SORBS2: variants seen among roughly 807,000 people sequenced by gnomAD.
SORBS2 encodes sorbin and SH3 domain-containing protein 2.
SORBS2 carries 46 observed loss-of-function variants against 97.7 expected under a neutral mutation model. The observed-to-expected ratio is 0.47, with a 90% CI of 0.37 to 0.60. The LOEUF is 0.60. SORBS2 is among the 20% of genes least tolerant of loss of function. The pLI is 0.00. For missense variants in SORBS2, 1,316 were observed against 1,282.3 expected, an observed-to-expected ratio of 1.03 and a Z score of -0.40; for synonymous variants, 476 against 473.4, an observed-to-expected ratio of 1.01 and a Z score of -0.07.
At chr4:185,726,038 A>G (rs929812950) in intron 2 of SORBS2, among the ~76,000 whole-genome samples, 1 of 152,030 alleles carries the variant, frequency 6.6e-6, no homozygotes, top group East Asian at 1.9e-4. Context: ...AGATGCCTAC[A>G]TTGTGTCAGA....
At chr4:185,804,480 C>T (rs537008765) in intron 1 of SORBS2, among the ~76,000 whole-genome samples, 5 of 152,282 alleles carry the variant, frequency 3.3e-5, no homozygotes, top group East Asian at 3.9e-4. Context: ...GTGGTATCGG[C>T]GCATCTAAGA....
At chr4:185,633,975 T>C (rs1321143246) in intron 4 of SORBS2, among the ~76,000 whole-genome samples, 1 of 152,208 alleles carries the variant, frequency 6.6e-6, no homozygotes, top group African/African-American at 2.4e-5. Context: ...TCTGCAGATA[T>C]TAAGGTAACA....
At chr4:185,670,188 C>T (rs908202582) in intron 4 of SORBS2, among the ~76,000 whole-genome samples, 4 of 151,952 alleles carry the variant, frequency 2.6e-5, no homozygotes, top group Admixed American at 2.0e-4. Context: ...CACTGCACTC[C>T]AGCCTGGGTG....
At chr4:185,637,199 G>C (rs1035021542) in intron 4 of SORBS2, among the ~76,000 whole-genome samples, 1 of 152,234 alleles carries the variant, frequency 6.6e-6, no homozygotes, top group Admixed American at 6.5e-5. Context: ...GGGATTATAA[G>C]ACTGTATTTT....
chr4:185,854,017 AT>A (rs2099219374), intron 1 of SORBS2, among the ~76,000 whole-genome samples: 1 of 152,238 alleles, frequency 6.6e-6, no homozygotes, highest in Non-Finnish European at 1.5e-5. Context: ...TGAATCATCC[AT>A]TACAGTCTTC....
chr4:185,847,845 G>T (rs1198349353), intron 1 of SORBS2, among the ~76,000 whole-genome samples: 4 of 152,176 alleles, frequency 2.6e-5, no homozygotes, highest in African/African-American at 7.2e-5. Context: ...CAAGGATTGA[G>T]ATTTTTCTGC....
intron 1 of SORBS2, among the ~76,000 whole-genome samples, chr4:185,853,882 T>C (rs185424653): frequency 1.3e-5 from 2 of 152,320 alleles, no homozygotes; most frequent in Non-Finnish European, 1.5e-5. Context: ...TCTGGGACTT[T>C]TGGTAAAGCT....
intron 4 of SORBS2, chr4:185,675,344 C>G (rs546967417): frequency 6.6e-6 from 1 of 152,596 alleles, no homozygotes; most frequent in South Asian, 2.1e-4. Flanking sequence ...TGGCACGGGC[C>G]TGTCTGTACA....
chr4:185,640,327 A>G (rs2097106038), intron 4 of SORBS2, among the ~76,000 whole-genome samples: 1 of 152,230 alleles, frequency 6.6e-6, no homozygotes, highest in South Asian at 2.1e-4. Context: ...TGAACACAGT[A>G]AAGAAGTCAC....
At chr4:185,660,900 T>C (rs2097506396), upstream of SORBS2, among the ~76,000 whole-genome samples, 1 of 152,234 alleles carries the variant, frequency 6.6e-6, no homozygotes, top group East Asian at 1.9e-4. Flanking sequence ...TGGAAACTTG[T>C]ACAGCCTGAA....
At chr4:185,705,177 C>T (rs907176175) in intron 2 of SORBS2, among the ~76,000 whole-genome samples, 5 of 152,222 alleles carry the variant, frequency 3.3e-5, no homozygotes, top group Admixed American at 6.5e-5. Context: ...CAGGACTACC[C>T]AGAAGTTGGT....
chr4:185,811,257 CT>C (rs1428069068), intron 1 of SORBS2, among the ~76,000 whole-genome samples: 8 of 152,174 alleles, frequency 5.3e-5, no homozygotes, highest in Admixed American at 1.3e-4. Flanking sequence ...ATTTACGAGG[CT>C]TAAAAAGAAA....
At chr4:185,834,487 T>A (rs756185308) in intron 1 of SORBS2, among the ~76,000 whole-genome samples, 8 of 152,126 alleles carry the variant, frequency 5.3e-5, no homozygotes, top group Non-Finnish European at 5.9e-5. Context: ...TCTTGAAAAG[T>A]TTACATTCAT....
chr4:185,717,881 A>G (rs2098479075), intron 2 of SORBS2, among the ~76,000 whole-genome samples: 1 of 152,230 alleles, frequency 6.6e-6, no homozygotes, highest in Non-Finnish European at 1.5e-5. Context: ...CTTGGTTTCT[A>G]CAACTATAAA....
chr4:185,662,790 A>C (rs1344508121), intron 4 of SORBS2, among the ~76,000 whole-genome samples: 1 of 152,238 alleles, frequency 6.6e-6, no homozygotes, highest in South Asian at 2.1e-4. Context: ...TAGAAGGATC[A>C]AATACCTGGT....
chr4:185,723,995 G>C (rs776231260), intron 2 of SORBS2, among the ~76,000 whole-genome samples: 10 of 152,164 alleles, frequency 6.6e-5, no homozygotes, highest in Non-Finnish European at 1.3e-4. Context: ...GGCATCTACT[G>C]ATCAGCACCT....
At chr4:185,892,864 G>A (rs1037796078) in intron 1 of SORBS2, among the ~76,000 whole-genome samples, 5 of 152,192 alleles carry the variant, frequency 3.3e-5, no homozygotes, top group African/African-American at 9.6e-5. Flanking sequence ...GCCCAAGAAT[G>A]TGAATACACT....
chr4:185,621,841 C>T (rs536289221), intron 7 of SORBS2, among the ~76,000 whole-genome samples: 21 of 152,142 alleles, frequency 1.4e-4, no homozygotes, highest in Non-Finnish European at 2.6e-4. Flanking sequence ...TGACCTTGGA[C>T]GAATTTCCTT....
chr4:185,706,978 A>T (rs1050574606), intron 2 of SORBS2, among the ~76,000 whole-genome samples: 9 of 152,146 alleles, frequency 5.9e-5, no homozygotes, highest in Non-Finnish European at 1.2e-4. Context: ...ACACGTATGT[A>T]CATGTTTCTT....
Sources: allele counts gnomAD v4.1 joint callset (sites outside exome capture counted in the v4.1 genomes callset), GRCh38; gene constraint gnomAD v4.1.1; transcripts MANE v1.5; gene names NCBI Gene and HGNC (gene_info 2026-07-23, HGNC 2026-07-21).